The following ZFAT variants were observed in gnomAD, a reference collection of about 807,000 sequenced individuals.
ZFAT encodes zinc finger and AT-hook domain containing, also known as zinc finger protein ZFAT.
Under a neutral mutation model 117.7 loss-of-function variants are expected in ZFAT, and 64 were observed. The observed-to-expected ratio is 0.54, with a 90% CI of 0.44 to 0.67. ZFAT has a LOEUF of 0.67. ZFAT is among the 30% of genes least tolerant of loss of function. ZFAT has a pLI of 0.00. For synonymous variants in ZFAT, 679 were observed against 615.0 expected (o/e 1.10, Z -1.54); for missense variants, 1,433 against 1,584.5 (o/e 0.90, Z 1.62).
intron 1 of ZFAT, among the ~76,000 whole-genome samples, chr8:134,687,358 T>C (rs1190148061): frequency 6.6e-6 from 1 of 152,206 alleles, no homozygotes; most frequent in Non-Finnish European, 1.5e-5. Context: ...CAGCTATAAT[T>C]AGGGCTGGGC....
At chr8:134,614,181 GTCC>G (rs1275600531) in intron 3 of ZFAT, among the ~76,000 whole-genome samples, 1 of 152,142 alleles carries the variant, frequency 6.6e-6, no homozygotes, top group Non-Finnish European at 1.5e-5. Flanking sequence ...GCTAGGTAAA[GTCC>G]TCCAAGAATT....
At chr8:134,544,446 A>ATT (rs34886415) in intron 11 of ZFAT, among the ~76,000 whole-genome samples, 23 of 149,078 alleles carry the variant, frequency 1.5e-4, no homozygotes, top group South Asian at 6.5e-4. Context: ...TCTGGTTGAA[A>ATT]TTTTTTTTTA....
At chr8:134,482,951 G>A (rs118065372) in intron 15 of ZFAT, among the ~76,000 whole-genome samples, 2,290 of 152,278 alleles carry the variant, frequency 0.015, 23 homozygotes, top group Middle Eastern at 0.034. Flanking sequence ...AAGTGGCTCT[G>A]CTGGCCCTGC....
At position 134,520,794 on chromosome 8, in the gene ZFAT, A is replaced by ATGAT; in HGVS notation, c.3234+85_3234+88dup. ...AACAGAAAATCTAATGTTCTGAGGAATGATTGTCCGTGCCCAGTATTTGGG... is the reference window on the plus strand; with the variant it reads ...AACAGAAAATCTAATGTTCTGAGGAATGATTGATTGTCCGTGCCCAGTATTTGGG... On this transcript the variant is annotated intron_variant, in intron 13 of 15. Coordinates refer to ENST00000377838, the MANE Select transcript of ZFAT (RefSeq NM_020863.4). 3 of 959,302 alleles carry ATGAT rather than the reference A, an allele frequency of 3.1e-6. No individual in the cohort carries two copies. The South Asian group carries it at 4.5e-5, about 14-fold the overall frequency. The allele number at this position is 959,302 out of a possible 1,614,324, so 59.4% of individuals were successfully genotyped here.
chr8:134,571,469 G>A (rs564057321), intron 10 of ZFAT, among the ~76,000 whole-genome samples: 1 of 152,336 alleles, frequency 6.6e-6, no homozygotes, highest in East Asian at 1.9e-4. Flanking sequence ...ATGAGTTTCT[G>A]TCAACTGCAA....
chr8:134,602,998 C>T (rs1827629846), intron 5 of ZFAT, 65 bp from the exon 6 acceptor site: 5 of 1,537,792 alleles, frequency 3.3e-6, no homozygotes, highest in Non-Finnish European at 3.5e-6. Context: ...ACTCTACATC[C>T]TTTTCATGAA....
the ZFAT span, among the ~76,000 whole-genome samples, chr8:134,818,573 A>G: frequency 2.0e-5 from 3 of 152,236 alleles, no homozygotes; most frequent in African/African-American, 7.2e-5. Context: ...CTACCATATG[A>G]TTCAGTCATT....
chr8:134,771,747 A>G, the ZFAT span, among the ~76,000 whole-genome samples: 4 of 152,190 alleles, frequency 2.6e-5, no homozygotes, highest in African/African-American at 9.7e-5. Context: ...TACTGTACCA[A>G]TTTACTGTAT....
the ZFAT span, among the ~76,000 whole-genome samples, chr8:134,760,553 T>G: frequency 6.6e-6 from 1 of 152,204 alleles, no homozygotes; most frequent in Non-Finnish European, 1.5e-5. Flanking sequence ...ATTGGAGAAG[T>G]TGCAGGAGTG....
the ZFAT span, chr8:134,797,085 A>C: frequency 2.6e-5 from 4 of 152,192 alleles, no homozygotes; most frequent in African/African-American, 9.7e-5. Context: ...ACTGTTTCTC[A>C]TTCATACTTA....
In ZFAT at chr8:134,532,872, C is replaced by T. The variant is rs775124463; in HGVS notation, c.3077G>A (p.Gly1026Asp). 7.2e-5 allele frequency: 116 copies of T among 1,609,424 alleles called. No homozygotes were observed. The stretch of plus-strand genomic sequence containing the variant: ...CACCTCCGCTGCCAGCTCCCCGGTG[C>T]CCACGTTGGCATACTCCTCATTAGG... Reference protein sequence around the residue: ...KHPNEEYANVGTGELAAEVLI... With the variant: ...KHPNEEYANVDTGELAAEVLI... The change falls in exon 12 of 16, where the codon GGC (glycine) becomes GAC (aspartate). Residue 1026 changes from glycine (G) to aspartate (D), a missense_variant. By Grantham distance (94) the Gly-to-Asp change is moderately conservative. This residue lies in a region of ZFAT where 503 missense variants were observed against 543.4 expected (regional missense o/e 0.93). Transcript: ENST00000377838.
At chr8:134,630,743 C>G (rs1198176068) in intron 3 of ZFAT, among the ~76,000 whole-genome samples, 8 of 152,186 alleles carry the variant, frequency 5.3e-5, no homozygotes, top group Non-Finnish European at 8.8e-5. Flanking sequence ...GTTTCTGCTA[C>G]CATTCAAATG....
chr8:134,484,203 G>C (rs1817512249), intron 15 of ZFAT, among the ~76,000 whole-genome samples: 1 of 152,212 alleles, frequency 6.6e-6, no homozygotes, highest in South Asian at 2.1e-4. Flanking sequence ...CCTCTGCACA[G>C]ATCTCCCCAG....
chr8:134,622,688 G>T (rs952068090), intron 3 of ZFAT, among the ~76,000 whole-genome samples: 2 of 152,122 alleles, frequency 1.3e-5, no homozygotes, highest in African/African-American at 4.8e-5. Flanking sequence ...CACACAATGG[G>T]CCCTACTGCT....
At chr8:134,556,079 AGGAAGGGAG>A (rs2130726479) in intron 11 of ZFAT, among the ~76,000 whole-genome samples, 1 of 126,374 alleles carries the variant, frequency 7.9e-6, no homozygotes, top group Admixed American at 8.0e-5. Flanking sequence ...AAGGAAGGGA[AGGAAGGGAG>A]GGAAAAAGAA....
At chr8:134,647,823 C>T (rs956098423) in intron 2 of ZFAT, among the ~76,000 whole-genome samples, 2 of 151,910 alleles carry the variant, frequency 1.3e-5, no homozygotes, top group African/African-American at 4.8e-5. Flanking sequence ...TACTAAAAAC[C>T]ATATCAATGA....
chr8:134,696,284 A>T (rs1833838712), intron 1 of ZFAT: 1 of 769,020 alleles, frequency 1.3e-6, no homozygotes. Flanking sequence ...GCAGCCCCTG[A>T]GTCCCAGGCC....
intron 1 of ZFAT, among the ~76,000 whole-genome samples, chr8:134,710,538 T>C (rs1413170398): frequency 6.6e-6 from 1 of 152,216 alleles, no homozygotes; most frequent in Non-Finnish European, 1.5e-5. Context: ...CAATCCCCTA[T>C]TATTCCCAAA....
At chr8:134,785,426 C>T in the ZFAT span, 2 of 152,050 alleles carry the variant, frequency 1.3e-5, no homozygotes, top group South Asian at 2.1e-4. Context: ...TCACATCCAA[C>T]AACTCCTTCC....
Sources: allele counts gnomAD v4.1 joint callset (sites outside exome capture counted in the v4.1 genomes callset), GRCh38; gene constraint gnomAD v4.1.1; regional missense constraint gnomAD v4.1.1; transcripts MANE v1.5; gene names NCBI Gene and HGNC (gene_info 2026-07-23, HGNC 2026-07-21).